The following ATRX variants were observed in gnomAD, a reference collection of about 807,000 sequenced individuals.
ATRX encodes chromatin remodeler ATRX.
In ATRX, 12 loss-of-function variants were observed where a neutral mutation model predicts 172.6. The observed-to-expected ratio is 0.07, with a 90% confidence interval of 0.04 to 0.11. ATRX has a LOEUF of 0.11. Among genes scored for constraint, ATRX ranks in the 10% least tolerant of loss-of-function variants. The pLI is 1.00. For missense variants in ATRX, 1,368 were observed against 1,767.4 expected (o/e 0.77, Z 4.05); for synonymous variants, 674 against 594.7 (o/e 1.13, Z -1.94).
intron 10 of ATRX, chrX:77,675,738 T>C (rs1273810982): frequency 2.4e-5 from 3 of 124,472 alleles, no homozygotes; most frequent in Non-Finnish European, 5.0e-5. Context: ...CCTTGTAAAC[T>C]GACACTTATT....
chrX:77,684,612 T>G lies in ATRX; in HGVS notation c.663-19A>C. 1.7e-6 allele frequency: 2 copies of G among 1,179,929 alleles called. No individual in the cohort carries two copies. Among genetic ancestry groups the G allele is most frequent in the South Asian group, 1.8e-5 (1 of 55,593 alleles). The stretch of plus-strand genomic sequence containing the variant: ...ACACCACCTGAAATGTTTTAAAGAT[T>G]AAAACATTATTCCCTTCTTTCAGGA... On this transcript the variant is annotated intron_variant, in intron 8 of 34. Coordinates refer to ENST00000373344, the MANE Select transcript of ATRX (RefSeq NM_000489.6).
intron 21 of ATRX, among the ~76,000 whole-genome samples, chrX:77,617,965 G>A (rs782008924): frequency 9.0e-6 from 1 of 111,321 alleles, no homozygotes; most frequent in East Asian, 2.8e-4. Context: ...GCTCACTGCA[G>A]CCTTGAACTC....
At chrX:77,626,185 T>C (rs1203657850) in intron 19 of ATRX, among the ~76,000 whole-genome samples, 3 of 104,129 alleles carry the variant, frequency 2.9e-5, no homozygotes, top group South Asian at 4.5e-4. Flanking sequence ...AACTCAGGAA[T>C]AGAAAAGCAA....
chrX:77,750,674 C>T (rs1483494499), intron 1 of ATRX, among the ~76,000 whole-genome samples: 5 of 109,216 alleles, frequency 4.6e-5, no homozygotes, highest in Non-Finnish European at 7.6e-5. Flanking sequence ...TGCACTCCCT[C>T]CCCTTGCCCC....
In ATRX at chrX:77,513,400, C is replaced by T. The variant is rs139492210; in HGVS notation, c.7201-4771G>A. Among the ~76,000 whole-genome samples, 287 of 108,550 alleles carry T rather than the reference C, an allele frequency of 2.6e-3. 1 individual carries two copies. Among genetic ancestry groups the T allele is most frequent in the African/African-American group, 9.2e-3 (274 of 29,809 alleles). 94.3% of individuals were successfully genotyped at this position (108,550 alleles called of 115,157 possible). ...TGCAGCAAGGTGGAAAAGCTGCCAC[C>T]GAAAGACAAGGATGACTGGCACACT... On this transcript the variant is annotated intron_variant, in intron 34 of 34. Transcript: ENST00000373344.
Position 77,652,228 on chromosome X carries a change from C to T in ATRX, c.4443G>A (p.Arg1481=), listed in dbSNP as rs782381607. 4 of 1,210,919 alleles carry T rather than the reference C, an allele frequency of 3.3e-6. No individual in the cohort carries two copies. The South Asian group carries it at 7.0e-5, about 21-fold the overall frequency. Residue 1481 remains arginine (R), a synonymous_variant, in exon 15 of 35, where the codon CGG becomes CGA. Transcript: ENST00000373344. ...TCAGTTTATCATCTTTAAGAATCTT[C>T]CGAATTTTCTTTCTGCCTTTTCCAG... The part of the protein sequence containing the change: ...KSPGKGRKKI[R]KILKDDKLRT...
chrX:77,711,900 C>T (rs2073130558), intron 2 of ATRX, among the ~76,000 whole-genome samples: 1 of 112,288 alleles, frequency 8.9e-6, no homozygotes, highest in Non-Finnish European at 1.9e-5. Context: ...CAAACCCTTT[C>T]CACCCTGTAG....
At chrX:77,626,986 C>G (rs1239468686) in intron 19 of ATRX, among the ~76,000 whole-genome samples, 8 of 111,143 alleles carry the variant, frequency 7.2e-5, no homozygotes, top group African/African-American at 2.6e-4. Context: ...AGCACTTTGG[C>G]AGGCCAAGAC....
chrX:77,519,524 C>T (rs1161461447), intron 34 of ATRX, among the ~76,000 whole-genome samples: 1 of 110,634 alleles, frequency 9.0e-6, no homozygotes, highest in Non-Finnish European at 1.9e-5. Flanking sequence ...CGTTTAAGCC[C>T]GAGAGTTTGA....
chrX:77,638,468 G>A (rs1454821632), intron 15 of ATRX, among the ~76,000 whole-genome samples: 1 of 112,399 alleles, frequency 8.9e-6, no homozygotes, highest in African/African-American at 3.2e-5. Context: ...GTGAGACTCC[G>A]TCTCAAAAGA....
intron 28 of ATRX, among the ~76,000 whole-genome samples, chrX:77,572,292 T>C (rs1209962563): frequency 9.0e-6 from 1 of 111,163 alleles, no homozygotes; most frequent in East Asian, 2.8e-4. Context: ...AAAATGCTCA[T>C]TGGGGCATTT....
intron 19 of ATRX, among the ~76,000 whole-genome samples, chrX:77,622,970 C>A (rs2067663350): frequency 9.1e-6 from 1 of 110,186 alleles, no homozygotes; most frequent in South Asian, 3.9e-4. Flanking sequence ...AGAGCACAAA[C>A]AGACAATCTA....
intron 30 of ATRX, among the ~76,000 whole-genome samples, chrX:77,543,112 A>G (rs1557051650): frequency 8.9e-6 from 1 of 112,426 alleles, no homozygotes. Flanking sequence ...AAACAAATTT[A>G]CAAGAAAAAA....
intron 13 of ATRX, among the ~76,000 whole-genome samples, chrX:77,655,500 T>C (rs914998517): frequency 5.4e-5 from 6 of 110,756 alleles, no homozygotes; most frequent in Admixed American, 1.9e-4. Flanking sequence ...GGCAAATCCA[T>C]AGAGACAGAA....
chrX:77,639,157 G>A (rs1216983510), intron 15 of ATRX, among the ~76,000 whole-genome samples: 1 of 112,002 alleles, frequency 8.9e-6, no homozygotes, highest in Non-Finnish European at 1.9e-5. Context: ...TCTGAGTATG[G>A]TTGAGACCTG....
intron 2 of ATRX, chrX:77,698,925 A>G: frequency 2.9e-6 from 1 of 345,849 alleles, no homozygotes; most frequent in Admixed American, 3.7e-5. Context: ...AGAAAATTTA[A>G]ACTATTACAC....
In ATRX at chrX:77,683,959, T is replaced by C. The variant is rs898727479; in HGVS notation, c.1297A>G (p.Lys433Glu). Residue 433 changes from lysine (K) to glutamate (E), a missense_variant, in exon 9 of 35, where the codon AAA becomes GAA. Coordinates refer to ENST00000373344, the MANE Select transcript of ATRX (RefSeq NM_000489.6). ...VNKEKNTKEH[K>E]VIDAKFETKA... ...GTTTCAAACTTAGCATCTATGACTT[T>C]ATGCTCTTTGGTATTTTTCTCTTTG... 9.1e-6 allele frequency: 11 copies of C among 1,210,372 alleles called. No homozygotes were observed. Among genetic ancestry groups the C allele is most frequent in the African/African-American group, 3.5e-5 (2 of 57,873 alleles).
At chrX:77,723,752 T>G (rs1557170800) in intron 1 of ATRX, among the ~76,000 whole-genome samples, 1 of 111,618 alleles carries the variant, frequency 9.0e-6, no homozygotes, top group African/African-American at 3.3e-5. Flanking sequence ...GAATAAATAA[T>G]GTCATACTAT....
At chrX:77,654,937 A>G (rs185274965) in intron 13 of ATRX, among the ~76,000 whole-genome samples, 6 of 111,920 alleles carry the variant, frequency 5.4e-5, no homozygotes, top group Non-Finnish European at 9.4e-5. Context: ...AACGTGGTAT[A>G]CAATGGAACA....
Sources: gnomAD v4.1 joint callset for allele counts (sites outside exome capture counted in the v4.1 genomes callset) on GRCh38, gnomAD v4.1.1 for gene constraint, MANE v1.5 for transcripts, NCBI Gene and HGNC (gene_info 2026-07-23, HGNC 2026-07-21) for gene names.